The following XKR9 variants were observed in gnomAD, a reference collection of about 807,000 sequenced individuals.
The protein encoded by XKR9 is XK-related protein 9.
In XKR9, 32 loss-of-function variants were observed where a neutral mutation model predicts 32.0. The observed-to-expected ratio is 1.00, with a 90% CI of 0.76 to 1.34. The LOEUF (loss-of-function observed/expected upper bound fraction) is 1.34. Ranked by LOEUF, XKR9 falls within the 40% of genes most tolerant of loss-of-function variation. The pLI is 0.00. For missense variants in XKR9, 546 were observed against 429.7 expected (o/e 1.27, Z -2.39); for synonymous variants, 168 against 143.4 (o/e 1.17, Z -1.22).
the XKR9 span, among the ~76,000 whole-genome samples, chr8:71,042,088 G>A: frequency 6.6e-6 from 1 of 152,130 alleles, no homozygotes; most frequent in Admixed American, 6.5e-5. Flanking sequence ...ACCAGAGAGA[G>A]AGTGACTGCC....
At chr8:70,773,237 C>T (rs1487203554) in intron 2 of XKR9, among the ~76,000 whole-genome samples, 1 of 152,044 alleles carries the variant, frequency 6.6e-6, no homozygotes, top group Non-Finnish European at 1.5e-5. Flanking sequence ...GTTGCCCAAC[C>T]AAAACAGGAT....
chr8:70,704,531 A>T (rs931751068), intron 3 of XKR9, among the ~76,000 whole-genome samples: 26 of 152,154 alleles, frequency 1.7e-4, no homozygotes, highest in African/African-American at 6.3e-4. Flanking sequence ...TATTTTCCGG[A>T]TGAGGAAACC....
At chr8:70,687,058 T>G (rs937667824) in intron 3 of XKR9, among the ~76,000 whole-genome samples, 1 of 150,078 alleles carries the variant, frequency 6.7e-6, no homozygotes, top group African/African-American at 2.4e-5. Flanking sequence ...AGCCTATTCA[T>G]TCTAACTACA....
chr8:70,810,513 A>G, the XKR9 span, among the ~76,000 whole-genome samples: 1 of 152,216 alleles, frequency 6.6e-6, no homozygotes, highest in South Asian at 2.1e-4. Context: ...ATAAAGAGTC[A>G]AGACCCATCA....
the XKR9 span, among the ~76,000 whole-genome samples, chr8:70,907,007 T>C: frequency 6.6e-6 from 1 of 152,196 alleles, no homozygotes; most frequent in Non-Finnish European, 1.5e-5. Flanking sequence ...ATTTCACTTG[T>C]GCTGCCCCTT....
At position 70,767,699 on chromosome 8, in the gene XKR9, C is replaced by T. The variant is rs1052236543; in HGVS notation, n.353-21640C>T. ...TGTAATTTTAATAGAGATGGGGTTT[C>T]GCTGTGTTAGCCAGGATGGTCTTGA... On this transcript the variant is annotated intron_variant and non_coding_transcript_variant, in intron 2 of 3. Transcript: ENST00000520273. Among the ~76,000 whole-genome samples the T allele has an allele frequency of 7.2e-5, 11 of 151,872 alleles. No individual in the cohort carries two copies. The East Asian group carries it at 9.7e-4, about 13-fold the overall frequency.
the XKR9 span, among the ~76,000 whole-genome samples, chr8:71,017,759 G>A: frequency 4.6e-5 from 7 of 152,174 alleles, no homozygotes; most frequent in African/African-American, 1.7e-4. Context: ...CCCAAGGTGG[G>A]CCTTTCAGAA....
the XKR9 span, among the ~76,000 whole-genome samples, chr8:70,915,052 G>T: frequency 4.6e-5 from 7 of 151,988 alleles, no homozygotes; most frequent in African/African-American, 1.7e-4. Context: ...GATTAATTAG[G>T]TCAAGGATGG....
At chr8:70,916,561 A>G in the XKR9 span, among the ~76,000 whole-genome samples, 3,894 of 152,190 alleles carry the variant, frequency 0.026, 77 homozygotes, top group Middle Eastern at 0.037. Context: ...CTTTATAATA[A>G]CTCTTGATAT....
At chr8:70,707,213 A>G (rs1040824960) in intron 4 of XKR9, 60 bp downstream of exon 4, 1 of 1,347,232 alleles carries the variant, frequency 7.4e-7, no homozygotes, top group South Asian at 1.4e-5. Context: ...CGTCAACTAT[A>G]TAAATCTTTG....
chr8:70,832,092 C>G, the XKR9 span, among the ~76,000 whole-genome samples: 2 of 152,190 alleles, frequency 1.3e-5, no homozygotes, highest in Non-Finnish European at 2.9e-5. Flanking sequence ...TGATAGCCAT[C>G]TATTCACTGA....
intron 2 of XKR9, among the ~76,000 whole-genome samples, chr8:70,788,296 G>A (rs544882653): frequency 4.6e-4 from 70 of 152,182 alleles, no homozygotes; most frequent in Middle Eastern, 3.4e-3. Flanking sequence ...TCATAAGGTT[G>A]TAACAGACAC....
the XKR9 span, among the ~76,000 whole-genome samples, chr8:70,865,384 A>G: frequency 1.3e-5 from 2 of 152,092 alleles, no homozygotes; most frequent in African/African-American, 2.4e-5. Flanking sequence ...TTTAAAATCT[A>G]ATTTAATGCT....
At chr8:70,741,809 T>G (rs1213667044) in intron 2 of XKR9, among the ~76,000 whole-genome samples, 3 of 152,248 alleles carry the variant, frequency 2.0e-5, no homozygotes, top group Admixed American at 6.5e-5. Context: ...AATTCTGTTT[T>G]AAATCCTATT....
chr8:70,788,757 A>G lies in XKR9; in HGVS notation n.353-582A>G, dbSNP rs147934876. On this transcript the variant is annotated intron_variant and non_coding_transcript_variant, in intron 2 of 3. Transcript: ENST00000520273. ...GAAGAATTAAACTCCATCAGGTAAA[A>G]GCAAATGTTACAAGATAATGTTTAA... Among the ~76,000 whole-genome samples, 164 of 152,258 alleles carry G rather than the reference A, an allele frequency of 1.1e-3. 3 individuals carry two copies. The East Asian group carries it at 0.029, about 27-fold the overall frequency.
the XKR9 span, among the ~76,000 whole-genome samples, chr8:71,042,127 A>T: frequency 6.6e-6 from 1 of 152,160 alleles, no homozygotes; most frequent in Non-Finnish European, 1.5e-5. Flanking sequence ...GCTTGTCCAG[A>T]TGATGCTTTG....
the XKR9 span, among the ~76,000 whole-genome samples, chr8:70,817,437 A>G: frequency 6.6e-6 from 1 of 152,140 alleles, no homozygotes; most frequent in Non-Finnish European, 1.5e-5. Context: ...AAAGATCTCT[A>G]CAAGGAGAAC....
intron 2 of XKR9, among the ~76,000 whole-genome samples, chr8:70,741,465 T>C (rs1479446635): frequency 6.6e-6 from 1 of 152,234 alleles, no homozygotes; most frequent in African/African-American, 2.4e-5. Flanking sequence ...GAAAACAGAC[T>C]GAGACACATG....
At chr8:70,954,044 TA>T in the XKR9 span, among the ~76,000 whole-genome samples, 7 of 151,468 alleles carry the variant, frequency 4.6e-5, no homozygotes, top group South Asian at 6.3e-4. Context: ...AAATTTTTTT[TA>T]AAAAAAAACT....
Sources: allele counts gnomAD v4.1 joint callset (sites outside exome capture counted in the v4.1 genomes callset), GRCh38; gene constraint gnomAD v4.1.1; transcripts MANE v1.5; gene names NCBI Gene and HGNC (gene_info 2026-07-23, HGNC 2026-07-21).